The following SCML4 variants were observed in gnomAD, a reference collection of about 807,000 sequenced individuals.
The protein encoded by SCML4 is Scm polycomb group protein like 4, also known as sex comb on midleg-like protein 4.
In SCML4, 34 loss-of-function variants were observed where a neutral mutation model predicts 41.1. The ratio of observed to expected loss-of-function variants is 0.83; its 90% CI spans 0.63 to 1.10. The LOEUF (loss-of-function observed/expected upper bound fraction) is 1.10. Among genes scored for constraint, SCML4 ranks in the 50% least tolerant of loss-of-function variants. The pLI is 0.00. For synonymous variants in SCML4, 214 were observed against 220.9 expected (o/e 0.97, Z 0.28); for missense variants, 522 against 534.1 (o/e 0.98, Z 0.22).
intron 5 of SCML4, among the ~76,000 whole-genome samples, chr6:107,742,393 A>T (rs573709597): frequency 6.6e-6 from 1 of 152,202 alleles, no homozygotes; most frequent in African/African-American, 2.4e-5. Flanking sequence ...AATAACAGAA[A>T]ACTTTCCAAA....
chr6:107,727,880 C>G (rs1776146909), intron 5 of SCML4, among the ~76,000 whole-genome samples: 2 of 152,210 alleles, frequency 1.3e-5, no homozygotes, highest in Admixed American at 1.3e-4. Flanking sequence ...GGATACCAAT[C>G]CTTTTTGTGT....
At chr6:107,841,738 T>A in the SCML4 span, among the ~76,000 whole-genome samples, 1 of 152,224 alleles carries the variant, frequency 6.6e-6, no homozygotes, top group Non-Finnish European at 1.5e-5. Flanking sequence ...TAGTATTTTT[T>A]AAAACATTTA....
intron 2 of SCML4, among the ~76,000 whole-genome samples, chr6:107,751,929 G>A (rs1562219632): frequency 1.3e-5 from 2 of 152,084 alleles, no homozygotes; most frequent in South Asian, 2.1e-4. Flanking sequence ...CACTGTGCCC[G>A]ACCAACAGTC....
intron 1 of SCML4, among the ~76,000 whole-genome samples, chr6:107,817,924 T>A (rs1375670265): frequency 1.3e-5 from 2 of 152,146 alleles, no homozygotes; most frequent in African/African-American, 4.8e-5. Context: ...TGGGACCAAT[T>A]AACCATTTCC....
At chr6:107,762,280 A>G (rs1779661597) in intron 2 of SCML4, among the ~76,000 whole-genome samples, 1 of 152,202 alleles carries the variant, frequency 6.6e-6, no homozygotes, top group Non-Finnish European at 1.5e-5. Flanking sequence ...AAAAAATTAA[A>G]TAATAAAAAA....
intron 5 of SCML4, among the ~76,000 whole-genome samples, chr6:107,726,977 T>C (rs191327240): frequency 6.6e-6 from 1 of 152,326 alleles, no homozygotes; most frequent in East Asian, 1.9e-4. Flanking sequence ...GCCCTATTCA[T>C]AATAGCTAAA....
intron 1 of SCML4, among the ~76,000 whole-genome samples, chr6:107,820,542 G>C (rs550941984): frequency 6.6e-6 from 1 of 152,296 alleles, no homozygotes; most frequent in Admixed American, 6.5e-5. Context: ...GTCCAAAATG[G>C]CCCTCTTGCC....
the SCML4 span, among the ~76,000 whole-genome samples, chr6:107,839,731 C>T: frequency 6.6e-6 from 1 of 151,986 alleles, no homozygotes; most frequent in East Asian, 1.9e-4. Flanking sequence ...AATGAGAGAG[C>T]TCACAAGTAC....
chr6:107,715,050 G>C (rs1739859), intron 6 of SCML4, among the ~76,000 whole-genome samples: 1 of 148,048 alleles, frequency 6.8e-6, no homozygotes, highest in Admixed American at 6.7e-5. Flanking sequence ...TCTCGGCTCA[G>C]TGCAACCTCC....
At chr6:107,766,302 G>A (rs754553781) in intron 2 of SCML4, among the ~76,000 whole-genome samples, 17 of 151,762 alleles carry the variant, frequency 1.1e-4, no homozygotes, top group Non-Finnish European at 2.4e-4. Context: ...CCTGGGAGGC[G>A]GAGGTTGCAG....
chr6:107,707,944 A>T lies in SCML4; in HGVS notation c.1041T>A (p.Thr347=). ...TCACAAACCACACCACGTCCTCCACAGTCCAGGCGGAGGGGTTCCTGCTCC... is the reference window on the plus strand; with the variant it reads ...TCACAAACCACACCACGTCCTCCACTGTCCAGGCGGAGGGGTTCCTGCTCC... ...RPRSRNPSAW[T]VEDVVWFVKD... The change falls in exon 7 of 8, where the codon ACT becomes ACA. Residue 347 remains threonine (T), a synonymous_variant. Coordinates refer to ENST00000369020, the MANE Select transcript of SCML4 (RefSeq NM_198081.5). 6.4e-7 allele frequency: 1 copy of T among 1,551,632 alleles called. No homozygotes were observed. The highest frequency in any genetic ancestry group is 8.7e-7 in the Non-Finnish European group (1 of 1,146,976).
chr6:107,746,282 A>G lies in SCML4; in HGVS notation c.487+407T>C, dbSNP rs142620042. 2.4e-3 allele frequency: 412 copies of G among 168,300 alleles called. 1 individual carries two copies. Among genetic ancestry groups the G allele is most frequent in the African/African-American group, 9.3e-3 (389 of 41,994 alleles). 10.4% of individuals were successfully genotyped at this position (168,300 alleles called of 1,614,324 possible). The stretch of plus-strand genomic sequence containing the variant: ...GAGACATTGGAGGAGGGTTTAGGGC[A>G]GAGGAGGGGCATGATCTGACTTAGA... On this transcript the variant is annotated intron_variant, in intron 4 of 7. Coordinates refer to ENST00000369020, the MANE Select transcript of SCML4 (RefSeq NM_198081.5).
rs117021028 is a variant in SCML4, at chr6:107,747,193, G to A, written c.287-304C>T. Among the ~76,000 whole-genome samples, 690 of 152,324 alleles carry A rather than the reference G, an allele frequency of 4.5e-3. 1 individual carries two copies. Among genetic ancestry groups the A allele is most frequent in the Non-Finnish European group, 7.4e-3 (504 of 68,028 alleles). ...ACCATTATGGTGGCCCACATGGACC[G>A]TGTGTAAAAAGGTATTTCCATGCTG... On this transcript the variant is annotated intron_variant, in intron 3 of 7. Transcript: ENST00000369020.
rs367754674 is a variant in SCML4 at position 107,758,845 on chromosome 6, T to C, written c.157-9032A>G. On this transcript the variant is annotated intron_variant, in intron 2 of 7. Transcript: ENST00000369020. ...AAGGATGTTTTAGCCACCCAGTTGG[T>C]AGTTCTTTGTTACAGCAGCCCTAAG... 5.3e-5 allele frequency among the ~76,000 whole-genome samples: 8 copies of C among 152,228 alleles called. No homozygotes were observed. In the East Asian group the frequency reaches 5.8e-4, roughly 11 times the overall value.
intron 4 of SCML4, 76 bp downstream of exon 4, chr6:107,746,613 T>C (rs865877532): frequency 7.4e-7 from 1 of 1,355,496 alleles, no homozygotes; most frequent in Non-Finnish European, 1.0e-6. Flanking sequence ...ACCTGCTGTC[T>C]CCAGGCCTGA....
At position 107,746,945 on chromosome 6, in the gene SCML4, G is replaced by A. The variant is rs1778166258; in HGVS notation, c.287-56C>T. The A allele has an allele frequency of 2.0e-6, 3 of 1,483,224 alleles. No homozygotes were observed. In the South Asian group the frequency reaches 3.7e-5, roughly 18 times the overall value. The allele number at this position is 1,483,224 out of a possible 1,614,324, so 91.9% of individuals were successfully genotyped here. ...CATCAGGCGCGCATCAGGCCAGCTG[G>A]CGGCCTCTGTGTACACGGGGGATGC... On this transcript the variant is annotated intron_variant, in intron 3 of 7. Coordinates refer to ENST00000369020, the MANE Select transcript of SCML4 (RefSeq NM_198081.5).
intron 5 of SCML4, chr6:107,731,921 G>C (rs1776597148): frequency 6.6e-6 from 1 of 152,546 alleles, no homozygotes; most frequent in African/African-American, 2.4e-5. Context: ...AGGTGCTCGT[G>C]CCAGCTGCAC....
chr6:107,788,764 G>A (rs1782097244), intron 1 of SCML4, among the ~76,000 whole-genome samples: 1 of 152,108 alleles, frequency 6.6e-6, no homozygotes, highest in Non-Finnish European at 1.5e-5. Flanking sequence ...ATCATTGTAT[G>A]TACAGTCACT....
At chr6:107,736,458 G>C (rs188892618) in intron 5 of SCML4, among the ~76,000 whole-genome samples, 8 of 152,110 alleles carry the variant, frequency 5.3e-5, no homozygotes, top group Non-Finnish European at 1.0e-4. Context: ...GCAAAGGGCC[G>C]GGGATGAGAA....
Sources: gnomAD v4.1 joint callset for allele counts (sites outside exome capture counted in the v4.1 genomes callset) on GRCh38, gnomAD v4.1.1 for gene constraint, MANE v1.5 for transcripts, NCBI Gene and HGNC (gene_info 2026-07-23, HGNC 2026-07-21) for gene names.